Variants in CHRM3 observed in about 807,000 individuals in gnomAD.
CHRM3 encodes the protein muscarinic acetylcholine receptor M3.
A neutral mutation model predicts 41.8 loss-of-function variants in CHRM3; 11 were observed. That is an observed-to-expected ratio of 0.26 (90% CI 0.17 to 0.44). The LOEUF is 0.44. Among genes scored for constraint, CHRM3 ranks in the 20% least tolerant of loss-of-function variants. CHRM3 has a pLI of 1.00. For missense variants in CHRM3, 571 were observed against 745.4 expected (o/e 0.77, Z 2.72); for synonymous variants, 297 against 301.4 (o/e 0.99, Z 0.15).
intron 3 of CHRM3, among the ~76,000 whole-genome samples, chr1:239,549,588 G>T (rs543694811): frequency 6.6e-6 from 1 of 150,988 alleles, no homozygotes; most frequent in South Asian, 2.1e-4. Context: ...TGGAGCCTGT[G>T]GGGTGGAGGT....
At chr1:239,656,281 T>C (rs113615133) in intron 4 of CHRM3, among the ~76,000 whole-genome samples, 16 of 151,996 alleles carry the variant, frequency 1.1e-4, no homozygotes, top group African/African-American at 3.9e-4. Context: ...AATAAACTTG[T>C]ACGTGTACCC....
At chr1:239,842,321 C>T (rs758208449) in intron 6 of CHRM3, among the ~76,000 whole-genome samples, 8 of 151,836 alleles carry the variant, frequency 5.3e-5, no homozygotes, top group Non-Finnish European at 1.0e-4. Flanking sequence ...TCTCGGACTC[C>T]GCCTCCCGGT....
chr1:239,785,217 A>G (rs1156645323), intron 5 of CHRM3, among the ~76,000 whole-genome samples: 1 of 152,148 alleles, frequency 6.6e-6, no homozygotes, highest in Non-Finnish European at 1.5e-5. Flanking sequence ...CTCCCCTATA[A>G]AAGCCAAGCA....
intron 3 of CHRM3, among the ~76,000 whole-genome samples, chr1:239,573,893 T>TC (rs35226936): frequency 0.02 from 3,115 of 152,198 alleles, 38 homozygotes; most frequent in Non-Finnish European, 0.033. Flanking sequence ...CCACACTAGG[T>TC]CCCCCATCAT....
chr1:239,711,202 G>C (rs564863552), intron 5 of CHRM3, among the ~76,000 whole-genome samples: 1 of 152,052 alleles, frequency 6.6e-6, no homozygotes, highest in Non-Finnish European at 1.5e-5. Flanking sequence ...AGGTTTTGGG[G>C]TCATGCATGG....
At chr1:239,570,073 C>G (rs1661695869) in intron 3 of CHRM3, among the ~76,000 whole-genome samples, 1 of 152,138 alleles carries the variant, frequency 6.6e-6, no homozygotes, top group South Asian at 2.1e-4. Context: ...TTTGTCCCCA[C>G]CCAAATCTCA....
In CHRM3 at chr1:239,569,271, T is replaced by G. The variant is rs147012102; in HGVS notation, c.-313+23522T>G. On this transcript the variant is annotated intron_variant, in intron 3 of 6. Coordinates refer to ENST00000676153, the MANE Select transcript of CHRM3 (RefSeq NM_001375978.1). The stretch of plus-strand genomic sequence containing the variant: ...AAAGATTGTTTTTAAAAATGGTAAA[T>G]GGTGTTTAGTATGTACAATGACAGA... Among the ~76,000 whole-genome samples, 616 of 152,284 alleles carry G rather than the reference T, an allele frequency of 4.0e-3. 7 individuals carry two copies. Among genetic ancestry groups the G allele is most frequent in the African/African-American group, 0.014 (579 of 41,552 alleles).
intron 4 of CHRM3, among the ~76,000 whole-genome samples, chr1:239,654,933 G>A (rs1159207455): frequency 2.0e-5 from 3 of 152,150 alleles, no homozygotes; most frequent in Non-Finnish European, 2.9e-5. Flanking sequence ...GATTCACACT[G>A]ACTTTTTCAT....
At chr1:239,699,193 T>C (rs1282652775) in intron 5 of CHRM3, among the ~76,000 whole-genome samples, 1 of 152,156 alleles carries the variant, frequency 6.6e-6, no homozygotes, top group Admixed American at 6.6e-5. Context: ...TACATAGTTT[T>C]GCAAAACTCA....
chr1:239,731,495 G>A (rs972263568), intron 5 of CHRM3, among the ~76,000 whole-genome samples: 8 of 151,962 alleles, frequency 5.3e-5, no homozygotes, highest in African/African-American at 1.7e-4. Flanking sequence ...GACCAGCTCT[G>A]TCACTATTCT....
chr1:239,553,738 T>A (rs1332115351), intron 3 of CHRM3, among the ~76,000 whole-genome samples: 2 of 152,218 alleles, frequency 1.3e-5, no homozygotes, highest in East Asian at 3.8e-4. Context: ...TGCTGATTTA[T>A]CTCATATTTT....
At chr1:239,541,124 C>T (rs192806827) in intron 2 of CHRM3, among the ~76,000 whole-genome samples, 53 of 152,222 alleles carry the variant, frequency 3.5e-4, no homozygotes, top group Non-Finnish European at 2.9e-5. Flanking sequence ...GGAGTTTGCA[C>T]AAACTCCCCA....
At chr1:239,562,864 G>A (rs1661003615) in intron 3 of CHRM3, among the ~76,000 whole-genome samples, 1 of 149,006 alleles carries the variant, frequency 6.7e-6, no homozygotes, top group African/African-American at 2.5e-5. Flanking sequence ...CTCCAGCCTG[G>A]GCAAAAGAGT....
At chr1:239,853,139 T>A (rs1379101833) in intron 6 of CHRM3, among the ~76,000 whole-genome samples, 1 of 151,906 alleles carries the variant, frequency 6.6e-6, no homozygotes, top group Non-Finnish European at 1.5e-5. Context: ...AAACTATCAC[T>A]AAAAATTAAC....
At chr1:239,646,026 G>T (rs1266577084) in intron 4 of CHRM3, among the ~76,000 whole-genome samples, 2 of 152,074 alleles carry the variant, frequency 1.3e-5, no homozygotes, top group African/African-American at 4.8e-5. Context: ...TACATGCCAA[G>T]TGTAAAGAGA....
Position 239,611,609 on chromosome 1 carries a change from T to G in CHRM3, c.-312-20615T>G, listed in dbSNP as rs140329115. On this transcript the variant is annotated intron_variant, in intron 3 of 6. Transcript: ENST00000676153. Reference sequence around the variant, plus strand: ...CTAACTTTTTTATTTTTAGTAGAGATGGGGTTTCACCATGTTGGCCAGGAT... The same window carrying G: ...CTAACTTTTTTATTTTTAGTAGAGAGGGGGTTTCACCATGTTGGCCAGGAT... Among the ~76,000 whole-genome samples, 1,011 of 151,942 alleles carry G rather than the reference T, an allele frequency of 6.7e-3. 10 individuals are homozygous for G. The highest frequency in any genetic ancestry group is 0.021 in the Middle Eastern group (6 of 292).
At chr1:239,836,344 A>C (rs868312288) in intron 6 of CHRM3, among the ~76,000 whole-genome samples, 2 of 152,128 alleles carry the variant, frequency 1.3e-5, no homozygotes, top group African/African-American at 4.8e-5. Flanking sequence ...GCCTGTCACC[A>C]TGTTTGCTGA....
At chr1:239,674,200 G>A (rs771566938) in intron 4 of CHRM3, among the ~76,000 whole-genome samples, 3 of 152,092 alleles carry the variant, frequency 2.0e-5, no homozygotes, top group South Asian at 2.1e-4. Flanking sequence ...TAATTTGTGA[G>A]TGGGATTACT....
In CHRM3 at chr1:239,397,903, C is replaced by T. The variant is rs116282095; in HGVS notation, c.-521+10676C>T. On this transcript the variant is annotated intron_variant, in intron 1 of 6. Coordinates refer to ENST00000676153, the MANE Select transcript of CHRM3 (RefSeq NM_001375978.1). ...CTTAGAATGCCAGTAACTGGGGGCA[C>T]ACAATAAAGCATTTGTTGAAAAGAA... 7.7e-3 allele frequency among the ~76,000 whole-genome samples: 1,166 copies of T among 151,836 alleles called. 22 individuals are homozygous for T. The highest frequency in any genetic ancestry group is 0.026 in the African/African-American group (1,097 of 41,432).
Sources: gnomAD v4.1 joint callset for allele counts (sites outside exome capture counted in the v4.1 genomes callset) on GRCh38, gnomAD v4.1.1 for gene constraint, MANE v1.5 for transcripts, NCBI Gene and HGNC (gene_info 2026-07-23, HGNC 2026-07-21) for gene names.